Variants in ADARB1 observed in about 807,000 individuals in gnomAD.
ADARB1 encodes the protein double-stranded RNA-specific editase 1.
In ADARB1, 10 loss-of-function variants were observed where a neutral mutation model predicts 52.4. The ratio of observed to expected loss-of-function variants is 0.19; its 90% CI spans 0.12 to 0.32. ADARB1 has a LOEUF of 0.32. ADARB1 is among the 10% of genes least tolerant of loss of function. The pLI is 1.00. For missense variants in ADARB1, 643 were observed against 922.3 expected, an observed-to-expected ratio of 0.70 and a Z score of 3.92; for synonymous variants, 349 against 371.1, an observed-to-expected ratio of 0.94 and a Z score of 0.68.
intron 1 of ADARB1, among the ~76,000 whole-genome samples, chr21:45,089,033 T>C (rs1407997563): frequency 1.3e-5 from 2 of 152,216 alleles, no homozygotes; most frequent in African/African-American, 2.4e-5. Context: ...TGACTAACTG[T>C]GGCCTGTGAT....
chr21:45,108,304 TA>T (rs2087350975), intron 1 of ADARB1, among the ~76,000 whole-genome samples: 1 of 152,168 alleles, frequency 6.6e-6, no homozygotes, highest in Non-Finnish European at 1.5e-5. Flanking sequence ...GATGTGCAAA[TA>T]ATCAAAAGTC....
At chr21:45,100,149 A>G (rs919580583) in intron 1 of ADARB1, among the ~76,000 whole-genome samples, 1 of 152,212 alleles carries the variant, frequency 6.6e-6, no homozygotes, top group Non-Finnish European at 1.5e-5. Flanking sequence ...AAAATTATTC[A>G]ACATATACAG....
At chr21:45,139,784 C>T (rs933194879) in intron 2 of ADARB1, among the ~76,000 whole-genome samples, 2 of 152,046 alleles carry the variant, frequency 1.3e-5, no homozygotes, top group African/African-American at 4.8e-5. Context: ...TTCTTGGAAC[C>T]CATTTAATTC....
intron 1 of ADARB1, among the ~76,000 whole-genome samples, chr21:45,087,604 G>A (rs2086397788): frequency 6.6e-6 from 1 of 152,100 alleles, no homozygotes; most frequent in African/African-American, 2.4e-5. Context: ...AAGTGGAGTG[G>A]GTGCCAGGTC....
chr21:45,224,190 AAT>A lies in ADARB1; in HGVS notation c.*1996_*1997del, dbSNP rs2093016177. On this transcript the variant is annotated 3_prime_UTR_variant, in exon 11 of 11. Coordinates refer to ENST00000348831, the MANE Select transcript of ADARB1 (RefSeq NM_001112.4). Reference sequence around the variant, plus strand: ...TTGGGAGATGGACTTCGTTTTTAAAAATATGTGGATTTTGGTTACCAAGTTTA... The same window carrying A: ...TTGGGAGATGGACTTCGTTTTTAAAAATGTGGATTTTGGTTACCAAGTTTA... 1 of 985,424 alleles carries A rather than the reference AAT, an allele frequency of 1.0e-6. No individual in the cohort carries two copies. The highest frequency in any genetic ancestry group is 1.2e-6 in the Non-Finnish European group (1 of 829,940). The allele number at this position is 985,424 out of a possible 1,614,324, so 61.0% of individuals were successfully genotyped here. A position where few individuals can be genotyped will look rare whatever the true frequency, so the allele number is the denominator to read the frequency against.
chr21:45,147,258 C>G (rs2090054957), intron 2 of ADARB1, among the ~76,000 whole-genome samples: 1 of 152,220 alleles, frequency 6.6e-6, no homozygotes, highest in Non-Finnish European at 1.5e-5. Flanking sequence ...TTTTCAAATA[C>G]AGTAAGTGAA....
chr21:45,146,615 C>T (rs1418783016), intron 2 of ADARB1, among the ~76,000 whole-genome samples: 1 of 152,240 alleles, frequency 6.6e-6, no homozygotes, highest in African/African-American at 2.4e-5. Flanking sequence ...GCTCAGCTTC[C>T]TGTAGAAATC....
chr21:45,121,751 C>G (rs1471962436), intron 1 of ADARB1, among the ~76,000 whole-genome samples: 1 of 152,214 alleles, frequency 6.6e-6, no homozygotes, highest in Non-Finnish European at 1.5e-5. Context: ...GAGGGTCTCT[C>G]TGCTTCCCTG....
chr21:45,211,758 C>T (rs1478445658), intron 9 of ADARB1, among the ~76,000 whole-genome samples: 2 of 152,198 alleles, frequency 1.3e-5, no homozygotes, highest in Non-Finnish European at 2.9e-5. Context: ...CCAAGTTGTT[C>T]TTGCTTTTAT....
chr21:45,202,622 A>C (rs1417624293), intron 8 of ADARB1, among the ~76,000 whole-genome samples: 2 of 152,160 alleles, frequency 1.3e-5, no homozygotes, highest in Non-Finnish European at 2.9e-5. Context: ...CCACATCCGC[A>C]GATCTAAGCC....
chr21:45,183,218 A>G (rs749023336), intron 6 of ADARB1, 144 bp from the exon 7 acceptor site: 11 of 779,094 alleles, frequency 1.4e-5, no homozygotes, highest in South Asian at 4.5e-5. Flanking sequence ...CAAGAACTGT[A>G]TTAATTACCC....
intron 2 of ADARB1, among the ~76,000 whole-genome samples, chr21:45,136,204 C>G (rs1037860681): frequency 6.6e-5 from 10 of 152,186 alleles, no homozygotes; most frequent in Non-Finnish European, 1.0e-4. Context: ...TGTCTCTGAG[C>G]TCTGGTTCTG....
intron 3 of ADARB1, among the ~76,000 whole-genome samples, chr21:45,173,041 C>T (rs2091551644): frequency 3.3e-5 from 5 of 152,304 alleles, no homozygotes; most frequent in Non-Finnish European, 5.9e-5. Context: ...CAGGGGTCCT[C>T]AGGGCCTCTG....
chr21:45,207,911 G>A (rs890473017), intron 9 of ADARB1, among the ~76,000 whole-genome samples: 4 of 152,136 alleles, frequency 2.6e-5, no homozygotes, highest in African/African-American at 4.8e-5. Flanking sequence ...AGATAATGCT[G>A]TCAGGATTAA....
At position 45,221,113 on chromosome 21, in the gene ADARB1, A is replaced by T; in HGVS notation, c.1926+99A>T. 1 of 1,332,532 alleles carries T rather than the reference A, an allele frequency of 7.5e-7. No homozygotes were observed. The highest frequency in any genetic ancestry group is 1.0e-6 in the Non-Finnish European group (1 of 990,322). The allele number at this position is 1,332,532 out of a possible 1,614,324, so 82.5% of individuals were successfully genotyped here. A position where few individuals can be genotyped will look rare whatever the true frequency, so the allele number is the denominator to read the frequency against. On this transcript the variant is annotated intron_variant, in intron 10 of 10. Coordinates refer to ENST00000348831, the MANE Select transcript of ADARB1 (RefSeq NM_001112.4). This position sits in a 1 kb window ranked among gnomAD's most constrained non-coding sequence, Gnocchi z 4.9. Reference sequence around the variant, plus strand: ...CCTTAAGTTGTTTCATCATGTCATCATGCACAGCTTCCGAAAACGATCACT... The same window carrying T: ...CCTTAAGTTGTTTCATCATGTCATCTTGCACAGCTTCCGAAAACGATCACT...
chr21:45,081,194 C>A (rs1033945789), intron 1 of ADARB1, among the ~76,000 whole-genome samples: 1 of 152,076 alleles, frequency 6.6e-6, no homozygotes, highest in African/African-American at 2.4e-5. Context: ...TGTGAGTCAT[C>A]GTGGGAGGAT....
At chr21:45,127,864 TTTTCTC>T (rs2145827316) in intron 1 of ADARB1, among the ~76,000 whole-genome samples, 1 of 152,266 alleles carries the variant, frequency 6.6e-6, no homozygotes, top group African/African-American at 2.4e-5. Context: ...TGTTGAAACA[TTTTCTC>T]TAATGGCTTG....
rs1313863710 is a variant in ADARB1 at position 45,172,168 on chromosome 21, A to C, written c.28+484A>C. Among the ~76,000 whole-genome samples, 2 of 152,136 alleles carry C rather than the reference A, an allele frequency of 1.3e-5. No homozygotes were observed. Among genetic ancestry groups the C allele is most frequent in the African/African-American group, 2.4e-5 (1 of 41,410 alleles). The stretch of plus-strand genomic sequence containing the variant: ...TTGATCTAAAGTTCGCAAAGGTGCT[A>C]ATGAGAGCTGGGACTGGTGTGGGCC... On this transcript the variant is annotated intron_variant, in intron 3 of 10. Transcript: ENST00000348831. This position sits in a 1 kb window ranked among gnomAD's most constrained non-coding sequence, Gnocchi z 4.4.
chr21:45,119,354 G>T (rs1402088398), intron 1 of ADARB1, among the ~76,000 whole-genome samples: 1 of 152,230 alleles, frequency 6.6e-6, no homozygotes, highest in Admixed American at 6.5e-5. Context: ...GCCTCCCAAA[G>T]TGCTGAGCAC....
Sources: gnomAD v4.1 joint callset for allele counts (sites outside exome capture counted in the v4.1 genomes callset) on GRCh38, gnomAD v4.1.1 for gene constraint, Gnocchi (gnomAD v3.1) non-coding constraint, MANE v1.5 for transcripts, NCBI Gene and HGNC (gene_info 2026-07-23, HGNC 2026-07-21) for gene names.